Variants in CFAP43 observed in about 807,000 individuals in gnomAD.
CFAP43 encodes cilia- and flagella-associated protein 43.
In CFAP43, 155 loss-of-function variants were observed where a neutral mutation model predicts 218.9. The observed-to-expected ratio is 0.71, with a 90% CI of 0.62 to 0.81. The LOEUF is 0.81. CFAP43 is among the 30% of genes least tolerant of loss of function. CFAP43 has a pLI of 0.00. For synonymous variants in CFAP43, 645 were observed against 681.3 expected (o/e 0.95, Z 0.83); for missense variants, 1,778 against 1,954.3 (o/e 0.91, Z 1.70).
Position 104,131,423 on chromosome 10 carries a change from T to G in CFAP43, c.4739A>C (p.Asn1580Thr). Residue 1580 changes from asparagine to threonine, a missense_variant, in exon 37 of 38, where the codon AAT (asparagine) becomes ACT (threonine). Coordinates refer to ENST00000357060, the MANE Select transcript of CFAP43 (RefSeq NM_025145.7). ...GGCATAATTTGCTATATCTTTTTGA[T>G]TGCTGAACTTTCCAAGTTTTTTGAG... ...KLLKKLGKFS[N>T]QKDIANYALS... is the part of the protein sequence containing the mutation. The G allele has an allele frequency of 6.2e-7, 1 of 1,613,688 alleles. No individual in the cohort carries two copies. The highest frequency in any genetic ancestry group is 1.1e-5 in the South Asian group (1 of 90,948).
At chr10:104,188,968 G>A (rs1417998015) in intron 12 of CFAP43, among the ~76,000 whole-genome samples, 1 of 152,094 alleles carries the variant, frequency 6.6e-6, no homozygotes, top group Non-Finnish European at 1.5e-5. Context: ...TGCTGCAGGT[G>A]CCCACTTTCT....
intron 8 of CFAP43, among the ~76,000 whole-genome samples, chr10:104,202,039 GTC>G (rs2090549579): frequency 6.6e-6 from 1 of 152,144 alleles, no homozygotes; most frequent in Admixed American, 6.5e-5. Flanking sequence ...AAACCATGTA[GTC>G]TCTGCCACAA....
rs552671824 is a variant in CFAP43 at position 104,202,224 on chromosome 10, T to C, written c.1095+1448A>G. The stretch of plus-strand genomic sequence containing the variant: ...CTGAAGATATTATTCCACTATTTCT[T>C]ACATTATTGCCACAGAGAAGTCAGC... On this transcript the variant is annotated intron_variant, in intron 8 of 37. Transcript: ENST00000357060. Among the ~76,000 whole-genome samples, 7 of 152,338 alleles carry C rather than the reference T, an allele frequency of 4.6e-5. No homozygotes were observed. In the East Asian group the frequency reaches 1.3e-3, roughly 29 times the overall value.
At chr10:104,179,286 G>A (rs1286823820) in intron 18 of CFAP43, among the ~76,000 whole-genome samples, 180 bp from the exon 19 acceptor site, 1 of 152,146 alleles carries the variant, frequency 6.6e-6, no homozygotes, top group Non-Finnish European at 1.5e-5. Context: ...TACTATGTAA[G>A]TGACATTAAA....
chr10:104,232,298 C>G lies in CFAP43; in HGVS notation c.-52G>C, dbSNP rs765658661. ...AGGCAGCGCACGCAGCACCCCAGGG[C>G]GGGTCGGTTACCTTTCCGCCGCCGC... On this transcript the variant is annotated 5_prime_UTR_variant, in exon 1 of 38. Transcript: ENST00000357060. 3.3e-6 allele frequency: 5 copies of G among 1,510,160 alleles called. No individual in the cohort carries two copies. Among genetic ancestry groups the G allele is most frequent in the East Asian group, 4.8e-5 (2 of 41,258 alleles). 93.5% of individuals were successfully genotyped at this position (1,510,160 alleles called of 1,614,324 possible).
chr10:104,216,339 A>G (rs55885445), intron 3 of CFAP43, among the ~76,000 whole-genome samples: 157 of 152,306 alleles, frequency 1.0e-3, no homozygotes, highest in African/African-American at 3.7e-3. Context: ...ACTCTCTGTC[A>G]CACACCTCTT....
intron 34 of CFAP43, among the ~76,000 whole-genome samples, chr10:104,136,805 G>A (rs1424598404): frequency 1.3e-5 from 2 of 151,994 alleles, no homozygotes; most frequent in East Asian, 3.9e-4. Flanking sequence ...TTGAAAATGG[G>A]CAAAAGACTT....
Position 104,130,206 on chromosome 10 carries a change from A to T in CFAP43, c.4931T>A (p.Ile1644Asn). 1 of 1,612,850 alleles carries T rather than the reference A, an allele frequency of 6.2e-7. No individual in the cohort carries two copies. Among genetic ancestry groups the T allele is most frequent in the Non-Finnish European group, 8.5e-7 (1 of 1,179,692 alleles). The change falls in exon 38 of 38, where the codon ATT becomes AAT. Residue 1644 changes from isoleucine to asparagine, a missense_variant. By Grantham distance (149) the Ile-to-Asn change is moderately radical. This residue lies in a region of CFAP43 where 211 missense variants were observed against 230.6 expected (regional missense o/e 0.91). Coordinates refer to ENST00000357060, the MANE Select transcript of CFAP43 (RefSeq NM_025145.7). ...TTCAACTTCAGTCTGTAGTATTGAA[A>T]TCTGTTCAGCTTGTTGTTTTGAAAT... ...TNISKQQAEQ[I>N]SILQTEVERL...
Position 104,143,450 on chromosome 10 carries a change from T to G in CFAP43, c.4134A>C (p.Arg1378=), listed in dbSNP as rs201272158. ...CTTTCTGTTCATTTTCCACTTTTGC[T>G]CGTCTTGTCATGCAGAAATGATTCC... ...LVWNHFCMTR[R]AKVENEQKVK... Residue 1378 remains arginine, a synonymous_variant, in exon 32 of 38, where the codon CGA becomes CGC. Transcript: ENST00000357060. The G allele has an allele frequency of 2.5e-5, 40 of 1,613,994 alleles. No homozygotes were observed. The highest frequency in any genetic ancestry group is 3.1e-5 in the Non-Finnish European group (37 of 1,180,024).
At chr10:104,225,393 T>A in intron 3 of CFAP43, 68 bp downstream of exon 3, 2 of 1,236,186 alleles carry the variant, frequency 1.6e-6, no homozygotes, top group South Asian at 2.9e-5. Context: ...TTTCCTTCGA[T>A]AAAATCCAGA....
At chr10:104,162,195 A>T in intron 25 of CFAP43, 122 bp downstream of exon 25, 1 of 1,224,706 alleles carries the variant, frequency 8.2e-7, no homozygotes, top group Non-Finnish European at 1.2e-6. Flanking sequence ...AAAGGAGGCC[A>T]ACTGAGATTC....
At chr10:104,175,579 A>G (rs565538286) in intron 19 of CFAP43, among the ~76,000 whole-genome samples, 2 of 152,340 alleles carry the variant, frequency 1.3e-5, no homozygotes, top group East Asian at 3.9e-4. Context: ...AAAACACGAT[A>G]TCCAAAAAAT....
intron 4 of CFAP43, 100 bp from the exon 5 acceptor site, chr10:104,212,257 C>G (rs1288956926): frequency 8.2e-7 from 1 of 1,215,370 alleles, no homozygotes; most frequent in Admixed American, 2.9e-5. Context: ...GGTATTATAA[C>G]TTGCAAAAAT....
chr10:104,179,715 G>T, intron 18 of CFAP43, 125 bp downstream of exon 18: 1 of 714,224 alleles, frequency 1.4e-6, no homozygotes, highest in African/African-American at 1.8e-5. Flanking sequence ...CCTGTATGTT[G>T]TAATGCTCTG....
rs1194519758 is a variant in CFAP43, at chr10:104,179,109, G to A, written c.2383-3C>T. ...AGATTAACCTCCTTTTTGATGGCCT[G>A]AAACAGAACAAGTATATCACTTAAC... On this transcript the variant is annotated splice_region_variant and splice_polypyrimidine_tract_variant and intron_variant, in intron 18 of 37. Coordinates refer to ENST00000357060, the MANE Select transcript of CFAP43 (RefSeq NM_025145.7). The A allele has an allele frequency of 1.2e-6, 2 of 1,609,452 alleles. No individual in the cohort carries two copies. Among genetic ancestry groups the A allele is most frequent in the Non-Finnish European group, 1.7e-6 (2 of 1,176,812 alleles).
At chr10:104,198,592 C>G (rs1466015885) in intron 8 of CFAP43, among the ~76,000 whole-genome samples, 1 of 151,564 alleles carries the variant, frequency 6.6e-6, no homozygotes, top group African/African-American at 2.4e-5. Flanking sequence ...CATAAATAAC[C>G]ATAAGACTTT....
intron 32 of CFAP43, among the ~76,000 whole-genome samples, chr10:104,143,143 G>T (rs1033873452): frequency 6.6e-6 from 1 of 152,126 alleles, no homozygotes; most frequent in African/African-American, 2.4e-5. Context: ...TCCACTTACA[G>T]CACATCTCAG....
intron 29 of CFAP43, 133 bp downstream of exon 29, chr10:104,147,758 G>T (rs2088045595): frequency 4.2e-6 from 2 of 476,638 alleles, no homozygotes; most frequent in East Asian, 3.5e-5. Flanking sequence ...CAGACAGGGA[G>T]CCAAGGGATG....
intron 9 of CFAP43, among the ~76,000 whole-genome samples, chr10:104,197,505 C>G (rs1476547855): frequency 6.6e-6 from 1 of 152,196 alleles, no homozygotes; most frequent in Non-Finnish European, 1.5e-5. Flanking sequence ...TTTTCAACCT[C>G]AGGTGGTGCT....
Sources: allele counts gnomAD v4.1 joint callset (sites outside exome capture counted in the v4.1 genomes callset), GRCh38; gene constraint gnomAD v4.1.1; regional missense constraint gnomAD v4.1.1; transcripts MANE v1.5; gene names NCBI Gene and HGNC (gene_info 2026-07-23, HGNC 2026-07-21).